RMND5A: variants seen among roughly 807,000 people sequenced by gnomAD.
RMND5A encodes E3 ubiquitin-protein transferase RMND5A.
In RMND5A, 17 loss-of-function variants were observed where a neutral mutation model predicts 49.7. That is an observed-to-expected ratio of 0.34 (90% CI 0.23 to 0.51). The LOEUF (loss-of-function observed/expected upper bound fraction) is 0.51, where lower values mean the gene tolerates loss of function less well. Ranked by LOEUF, RMND5A falls within the 20% of genes least tolerant of loss-of-function variation. RMND5A has a pLI of 0.96. For missense variants in RMND5A, 255 were observed against 471.3 expected (o/e 0.54, Z 4.25); for synonymous variants, 156 against 167.7 (o/e 0.93, Z 0.54).
At chr2:86,769,519 C>CT (rs2104411505) in intron 6 of RMND5A, among the ~76,000 whole-genome samples, 1 of 152,308 alleles carries the variant, frequency 6.6e-6, no homozygotes, top group South Asian at 2.1e-4. Flanking sequence ...GATGCTAAAA[C>CT]TACTGTATTT....
intron 4 of RMND5A, among the ~76,000 whole-genome samples, chr2:86,757,660 G>C (rs537836831): frequency 6.6e-6 from 1 of 152,312 alleles, no homozygotes; most frequent in African/African-American, 2.4e-5. Flanking sequence ...ACTATCTTTA[G>C]GGGAAGCTAC....
At position 86,729,653 on chromosome 2, in the gene RMND5A, GA is replaced by G. The variant is rs1183046396; in HGVS notation, c.142+8845del. On this transcript the variant is annotated intron_variant, in intron 1 of 8. Transcript: ENST00000283632. ...GTTTTAGTAGCAGAGATTGAATATG[GA>G]TAGCAGAAAGAGCAGATGGAGTGCC... 5.3e-4 allele frequency among the ~76,000 whole-genome samples: 51 copies of G among 96,262 alleles called. 12 individuals carry two copies. Among genetic ancestry groups the G allele is most frequent in the African/African-American group, 1.5e-3 (50 of 32,968 alleles). The allele number at this position is 96,262 out of a possible 152,430, so 63.2% of individuals were successfully genotyped here.
In RMND5A at chr2:86,775,420, G is replaced by C. The variant is rs1362993197; in HGVS notation, c.*2009G>C. The C allele has an allele frequency of 1.4e-5, 2 of 146,716 alleles. No individual in the cohort carries two copies. Among genetic ancestry groups the C allele is most frequent in the South Asian group, 2.1e-4 (1 of 4,698 alleles). 9.1% of individuals were successfully genotyped at this position (146,716 alleles called of 1,614,324 possible). A position where few individuals can be genotyped will look rare whatever the true frequency, so the allele number is the denominator to read the frequency against. On this transcript the variant is annotated 3_prime_UTR_variant, in exon 9 of 9. Transcript: ENST00000283632. ...ACCCAAACACCTACACAACGTTTAG[G>C]CTTCCTGTAAGGTTTGAATGAGACA...
intron 4 of RMND5A, among the ~76,000 whole-genome samples, chr2:86,763,651 C>CT (rs1672543564): frequency 1.3e-5 from 2 of 152,252 alleles, no homozygotes; most frequent in South Asian, 4.2e-4. Flanking sequence ...CAGCATACAC[C>CT]TGTGGTCCTA....
At chr2:86,760,066 C>T (rs763854483) in intron 4 of RMND5A, among the ~76,000 whole-genome samples, 58 of 151,146 alleles carry the variant, frequency 3.8e-4, no homozygotes, top group African/African-American at 1.0e-3. Flanking sequence ...TTTTTTGAGA[C>T]GGAGTTTCAC....
chr2:86,745,380 G>C (rs1026295161), intron 2 of RMND5A, among the ~76,000 whole-genome samples: 2 of 152,208 alleles, frequency 1.3e-5, no homozygotes, highest in African/African-American at 4.8e-5. Context: ...TTATTATAAA[G>C]TAAAGGTAGT....
chr2:86,767,756 GA>G, intron 6 of RMND5A, among the ~76,000 whole-genome samples: 1 of 152,234 alleles, frequency 6.6e-6, no homozygotes, highest in Admixed American at 6.5e-5. Context: ...GCTCTGCAGC[GA>G]ACCTTTAGAA....
intron 2 of RMND5A, among the ~76,000 whole-genome samples, chr2:86,747,974 G>C (rs921066808): frequency 2.0e-5 from 3 of 152,056 alleles, no homozygotes; most frequent in Non-Finnish European, 4.4e-5. Flanking sequence ...TTTTGCTTTT[G>C]GTTCTTGTTT....
intron 2 of RMND5A, among the ~76,000 whole-genome samples, chr2:86,750,955 T>A (rs1681624030): frequency 6.6e-6 from 1 of 152,178 alleles, no homozygotes; most frequent in African/African-American, 2.4e-5. Flanking sequence ...TTTGTATTTT[T>A]ATAATAACTG....
At chr2:86,756,265 C>T (rs1049480269) in intron 4 of RMND5A, among the ~76,000 whole-genome samples, 32 of 152,144 alleles carry the variant, frequency 2.1e-4, no homozygotes, top group African/African-American at 6.7e-4. Context: ...TGGTGGTGTA[C>T]GCCTGTAGTC....
At chr2:86,764,584 C>CAGTAA (rs1672559272) in intron 4 of RMND5A, among the ~76,000 whole-genome samples, 1 of 152,222 alleles carries the variant, frequency 6.6e-6, no homozygotes. Flanking sequence ...TGTTTTTAAT[C>CAGTAA]ACAAAGTGAA....
intron 1 of RMND5A, among the ~76,000 whole-genome samples, chr2:86,732,364 A>G (rs867459069): frequency 6.6e-4 from 99 of 150,114 alleles, no homozygotes; most frequent in Non-Finnish European, 1.2e-3. Context: ...AAAAGTGCAG[A>G]TACTGAGTAG....
At chr2:86,720,972 T>C (rs377701571) in intron 1 of RMND5A, 163 bp downstream of exon 1, 8,101 of 574,686 alleles carry the variant, frequency 0.014, 220 homozygotes, top group South Asian at 0.081. Context: ...CCCCTCTTCG[T>C]CCGATTTACC....
Position 86,774,482 on chromosome 2 carries a change from C to T in RMND5A, c.*1071C>T, listed in dbSNP as rs983001506. On this transcript the variant is annotated 3_prime_UTR_variant, in exon 9 of 9. Transcript: ENST00000283632. ...TGTTTGATGCCTCTCTTCTGCAAAG[C>T]GTATCATCTCATTGACTGTGAATCT... The T allele has an allele frequency of 2.6e-5, 4 of 152,602 alleles. No homozygotes were observed. The highest frequency in any genetic ancestry group is 2.9e-5 in the Non-Finnish European group (2 of 68,034). The allele number at this position is 152,602 out of a possible 1,614,324, so 9.5% of individuals were successfully genotyped here.
At chr2:86,760,995 TG>T (rs1672478910) in intron 4 of RMND5A, among the ~76,000 whole-genome samples, 15 of 151,876 alleles carry the variant, frequency 9.9e-5, no homozygotes, top group Admixed American at 9.8e-4. Flanking sequence ...TGTGTGTGTG[TG>T]TGTGTGTGAA....
At position 86,777,836 on chromosome 2, in the gene RMND5A, G is replaced by A. The variant is rs1672795309; in HGVS notation, c.*4425G>A. 6.6e-6 allele frequency: 1 copy of A among 152,024 alleles called. No individual in the cohort carries two copies. The allele number at this position is 152,024 out of a possible 1,614,324, so 9.4% of individuals were successfully genotyped here. ...CCATATCCTCTGTTCATTTGATTTT[G>A]GAAAAAGTAGCATATCCAGTAGTTT... is the stretch of plus-strand genomic sequence containing the variant. On this transcript the variant is annotated 3_prime_UTR_variant, in exon 9 of 9. Coordinates refer to ENST00000283632, the MANE Select transcript of RMND5A (RefSeq NM_022780.4).
rs75880926 is a variant in RMND5A, at chr2:86,765,782, A to G, written c.689-77A>G. ...ATACATTATTTTAGGCTGTATCAGT[A>G]TGGGTGGGGGTATTCTTGCTTTTCG... is the stretch of plus-strand genomic sequence containing the variant. On this transcript the variant is annotated intron_variant, in intron 5 of 8. Transcript: ENST00000283632. 3.9e-6 allele frequency: 5 copies of G among 1,265,978 alleles called. No individual in the cohort carries two copies. The East Asian group carries it at 1.2e-4, about 31-fold the overall frequency. The allele number at this position is 1,265,978 out of a possible 1,614,324, so 78.4% of individuals were successfully genotyped here. A position where few individuals can be genotyped will look rare whatever the true frequency, so the allele number is the denominator to read the frequency against.
At chr2:86,766,084 C>G in intron 6 of RMND5A, 60 bp downstream of exon 6, 4 of 1,429,392 alleles carry the variant, frequency 2.8e-6, no homozygotes, top group Non-Finnish European at 3.8e-6. Context: ...CTTCCCTTAA[C>G]TTGTTTGGTT....
At chr2:86,747,201 TA>T (rs1681552205) in intron 2 of RMND5A, among the ~76,000 whole-genome samples, 1 of 152,238 alleles carries the variant, frequency 6.6e-6, no homozygotes, top group Non-Finnish European at 1.5e-5. Flanking sequence ...TTCAAATGTT[TA>T]AAGATTAATC....
Sources: gnomAD v4.1 joint callset for allele counts (sites outside exome capture counted in the v4.1 genomes callset) on GRCh38, gnomAD v4.1.1 for gene constraint, MANE v1.5 for transcripts, NCBI Gene and HGNC (gene_info 2026-07-23, HGNC 2026-07-21) for gene names.